Variants in TG observed in about 807,000 individuals in gnomAD.
TG encodes the protein thyroid hormones.
In TG, 270 loss-of-function variants were observed where a neutral mutation model predicts 324.7. That is an observed-to-expected ratio of 0.83 (90% CI 0.75 to 0.92). TG has a LOEUF of 0.92. Among genes scored for constraint, TG ranks in the 40% least tolerant of loss-of-function variants. The pLI, the probability that TG is intolerant of heterozygous loss-of-function variation, is 0.00. For synonymous variants in TG, 1,401 were observed against 1,327.0 expected (o/e 1.06, Z -1.21); for missense variants, 3,591 against 3,456.4 (o/e 1.04, Z -0.98).
At chr8:132,907,016 G>C in intron 17 of TG, 116 bp downstream of exon 17, 2 of 1,113,064 alleles carry the variant, frequency 1.8e-6, no homozygotes. Context: ...CACGCTGGTG[G>C]TATGCCAGAT....
rs115793379 is a variant in TG at position 132,873,092 on chromosome 8, G to A, written c.509G>A (p.Arg170His). 3.9e-5 allele frequency: 63 copies of A among 1,614,112 alleles called. No individual in the cohort carries two copies. In the African/African-American group the frequency reaches 6.5e-4, roughly 17 times the overall value. Residue 170 changes from arginine to histidine, a missense_variant, in exon 5 of 48, where the codon CGT (arginine) becomes CAT (histidine). Coordinates refer to ENST00000220616, the MANE Select transcript of TG (RefSeq NM_003235.5). The stretch of plus-strand genomic sequence containing the variant: ...AGGAGCTGTGAAATAAGAAATCGTC[G>A]TCTTCTCCACGGGGTGGGAGATAAG... The part of the protein sequence containing the change: ...CPRSCEIRNR[R>H]LLHGVGDKSP...
chr8:132,900,756 C>A lies in TG; in HGVS notation c.3433+417C>A, dbSNP rs545669550. Reference sequence around the variant, plus strand: ...TAAATGCTCCCATCATCTTCGGGGCCGTGCTTGAGCTCCCTGGAATGGCTC... The same window carrying A: ...TAAATGCTCCCATCATCTTCGGGGCAGTGCTTGAGCTCCCTGGAATGGCTC... On this transcript the variant is annotated intron_variant, in intron 15 of 47. Coordinates refer to ENST00000220616, the MANE Select transcript of TG (RefSeq NM_003235.5). Among the ~76,000 whole-genome samples the A allele has an allele frequency of 7.3e-5, 11 of 151,476 alleles. No homozygotes were observed. The South Asian group carries it at 2.3e-3, about 31-fold the overall frequency.
chr8:132,925,551 G>GTT (rs956583803), intron 22 of TG, among the ~76,000 whole-genome samples: 8 of 151,524 alleles, frequency 5.3e-5, no homozygotes, highest in African/African-American at 1.7e-4. Context: ...GTGTGTGTGT[G>GTT]TTCTTGAATA....
chr8:132,993,205 A>G (rs183781472), intron 35 of TG, among the ~76,000 whole-genome samples: 1 of 152,254 alleles, frequency 6.6e-6, no homozygotes, highest in Non-Finnish European at 1.5e-5. Context: ...GACCTAAGTC[A>G]GTATTTAAAG....
intron 41 of TG, among the ~76,000 whole-genome samples, chr8:133,080,895 A>G (rs1845640325): frequency 6.6e-6 from 1 of 152,218 alleles, no homozygotes; most frequent in Non-Finnish European, 1.5e-5. Flanking sequence ...GCATCTTCCT[A>G]GATGCCTCTC....
At chr8:132,932,228 A>T (rs1295160194) in intron 23 of TG, among the ~76,000 whole-genome samples, 1 of 152,192 alleles carries the variant, frequency 6.6e-6, no homozygotes, top group Non-Finnish European at 1.5e-5. Flanking sequence ...CAATGCTGAG[A>T]TGAAAATCAG....
intron 45 of TG, among the ~76,000 whole-genome samples, chr8:133,117,485 C>T (rs1054709354): frequency 1.3e-5 from 2 of 152,150 alleles, no homozygotes; most frequent in African/African-American, 2.4e-5. Context: ...TTCTACTGCC[C>T]CATGAGCTTA....
intron 35 of TG, chr8:132,995,480 A>G: frequency 1.0e-6 from 1 of 985,270 alleles, no homozygotes; most frequent in Non-Finnish European, 1.2e-6. Flanking sequence ...CAGCACCCCA[A>G]AGGAGGCCTC....
chr8:132,982,880 G>A (rs536446407), intron 34 of TG, among the ~76,000 whole-genome samples: 3 of 152,260 alleles, frequency 2.0e-5, no homozygotes, highest in Admixed American at 6.5e-5. Context: ...CTCTGGGACG[G>A]GGTAGGACTG....
intron 47 of TG, 108 bp from the exon 48 acceptor site, chr8:133,134,568 C>A: frequency 9.6e-7 from 1 of 1,038,634 alleles, no homozygotes; most frequent in South Asian, 1.3e-5. Flanking sequence ...AGGGCATTAG[C>A]AAGAAATGTC....
At chr8:133,084,112 G>C (rs1400031146) in intron 41 of TG, among the ~76,000 whole-genome samples, 1 of 152,146 alleles carries the variant, frequency 6.6e-6, no homozygotes, top group Admixed American at 6.5e-5. Flanking sequence ...AGTCCTTTCT[G>C]CTGGTCAAGA....
At chr8:133,128,637 C>A (rs1241874111) in intron 45 of TG, among the ~76,000 whole-genome samples, 1 of 152,120 alleles carries the variant, frequency 6.6e-6, no homozygotes, top group African/African-American at 2.4e-5. Context: ...AGAGCTTGCC[C>A]ATCTTGGGCA....
At chr8:132,885,329 A>G (rs1316278948) in intron 8 of TG, among the ~76,000 whole-genome samples, 3 of 152,178 alleles carry the variant, frequency 2.0e-5, no homozygotes, top group Non-Finnish European at 2.9e-5. Flanking sequence ...TGAGCTGATC[A>G]CTGTTAAATT....
chr8:133,024,318 CTTTCTTTCTT>C (rs1835831157), intron 40 of TG, among the ~76,000 whole-genome samples: 1 of 33,976 alleles, frequency 2.9e-5, no homozygotes. Flanking sequence ...TTCTTTCTTT[CTTTCTTTCTT>C]TCTTTCTTTC....
chr8:132,887,299 G>A lies in TG; in HGVS notation c.1927G>A (p.Gly643Ser), dbSNP rs1278168509. 1.2e-6 allele frequency: 2 copies of A among 1,605,508 alleles called. No homozygotes were observed. Among genetic ancestry groups the A allele is most frequent in the South Asian group, 2.2e-5 (2 of 90,206 alleles). Residue 643 changes from glycine to serine, a missense_variant, in exon 9 of 48, where the codon GGC becomes AGC. Gly to Ser is a moderately conservative substitution (Grantham distance 56). Transcript: ENST00000220616. ...SGECWCVNSW[G>S]KELPGSRVRG... Reference sequence around the variant, plus strand: ...AGAGTGCTGGTGTGTGAATTCCTGGGGCAAAGAGCTTCCAGGCTCAAGAGT... The same window carrying A: ...AGAGTGCTGGTGTGTGAATTCCTGGAGCAAAGAGCTTCCAGGCTCAAGAGT...
intron 41 of TG, among the ~76,000 whole-genome samples, chr8:133,039,842 T>TG (rs1837826526): frequency 6.6e-6 from 1 of 152,136 alleles, no homozygotes; most frequent in South Asian, 2.1e-4. Context: ...TCTACACTTG[T>TG]GGGGGGTGCT....
rs1208172264 is a variant in TG, at chr8:132,963,056, G to T, written c.5530G>T (p.Ala1844Ser). 6.2e-7 allele frequency: 1 copy of T among 1,614,020 alleles called. No individual in the cohort carries two copies. Among genetic ancestry groups the T allele is most frequent in the Non-Finnish European group, 8.5e-7 (1 of 1,179,908 alleles). The change falls in exon 29 of 48, where the codon GCA (alanine) becomes TCA (serine). Residue 1844 changes from alanine to serine, a missense_variant. Transcript: ENST00000220616. Reference protein sequence around the residue: ...GCRKDTVPRPASPTEAGLTTE... With the variant: ...GCRKDTVPRPSSPTEAGLTTE... The stretch of plus-strand genomic sequence containing the variant: ...TAGAAAAGACACAGTGCCAAGGCCA[G>T]CATCTCCAACAGAAGCAGGTACTGA...
intron 16 of TG, among the ~76,000 whole-genome samples, chr8:132,905,890 C>G (rs1010369255): frequency 6.6e-6 from 1 of 152,106 alleles, no homozygotes. Context: ...ATCTTCCAGA[C>G]AGGAGCAGGC....
At position 132,872,967 on chromosome 8, in the gene TG, C is replaced by A. The variant is rs1046605196; in HGVS notation, c.479-95C>A. On this transcript the variant is annotated intron_variant, in intron 4 of 47. Transcript: ENST00000220616. ...GAACGATGCATTTCTCAGAGCTCAT[C>A]CCCATTGCTAAGGGACACGAGTGCA... The A allele has an allele frequency of 4.4e-5, 58 of 1,320,450 alleles. No individual in the cohort carries two copies. In the Middle Eastern group the frequency reaches 6.1e-4, roughly 14 times the overall value. The allele number at this position is 1,320,450 out of a possible 1,614,324, so 81.8% of individuals were successfully genotyped here.
Sources: allele counts gnomAD v4.1 joint callset (sites outside exome capture counted in the v4.1 genomes callset), GRCh38; gene constraint gnomAD v4.1.1; transcripts MANE v1.5; gene names NCBI Gene and HGNC (gene_info 2026-07-23, HGNC 2026-07-21).